The following C6orf163 variants were observed in gnomAD, a reference collection of about 807,000 sequenced individuals.
C6orf163 encodes uncharacterized protein C6orf163.
In C6orf163, 22 loss-of-function variants were observed where a neutral mutation model predicts 28.4. That is an observed-to-expected ratio of 0.78 (90% confidence interval 0.55 to 1.11). The LOEUF (loss-of-function observed/expected upper bound fraction) is 1.11, where lower values mean the gene tolerates loss of function less well. Among genes scored for constraint, C6orf163 ranks in the 50% least tolerant of loss-of-function variants. The pLI, the probability that C6orf163 is intolerant of heterozygous loss-of-function variation, is 0.00. For missense variants in C6orf163, 342 were observed against 389.1 expected (o/e 0.88, Z 1.02); for synonymous variants, 110 against 123.6 (o/e 0.89, Z 0.73).
intron 4 of C6orf163, among the ~76,000 whole-genome samples, chr6:87,363,911 A>C (rs1043267509): frequency 6.6e-6 from 1 of 152,136 alleles, no homozygotes; most frequent in African/African-American, 2.4e-5. Flanking sequence ...GGGTTTTGTG[A>C]TGTGTGATAT....
intron 4 of C6orf163, among the ~76,000 whole-genome samples, chr6:87,362,205 G>A (rs150064262): frequency 4.7e-4 from 72 of 152,256 alleles, no homozygotes; most frequent in Non-Finnish European, 8.2e-4. Flanking sequence ...GGTCAGGCAC[G>A]GTGGCTCACA....
chr6:87,351,775 A>T (rs1582106109), intron 3 of C6orf163, among the ~76,000 whole-genome samples: 1 of 152,136 alleles, frequency 6.6e-6, no homozygotes, highest in East Asian at 1.9e-4. Flanking sequence ...TCCCCAGCAG[A>T]CTCCTGGACC....
chr6:87,349,168 GCAT>G (rs995360050), intron 2 of C6orf163, among the ~76,000 whole-genome samples: 11 of 152,150 alleles, frequency 7.2e-5, no homozygotes, highest in Admixed American at 6.5e-4. Context: ...TAAGAAGCCG[GCAT>G]CATCAGGAGC....
chr6:87,345,020 T>G lies in C6orf163; in HGVS notation c.-80T>G. The stretch of plus-strand genomic sequence containing the variant: ...GAACCTCTTCCAGCTTTCTTAAACT[T>G]TCAGCTTTTCTTGAAACGACTTTTT... On this transcript the variant is annotated 5_prime_UTR_variant, in exon 1 of 5. Coordinates refer to ENST00000388923, the MANE Select transcript of C6orf163 (RefSeq NM_001010868.3). 1 of 1,202,864 alleles carries G rather than the reference T, an allele frequency of 8.3e-7. No individual in the cohort carries two copies. Among genetic ancestry groups the G allele is most frequent in the Non-Finnish European group, 1.1e-6 (1 of 880,632 alleles). 74.5% of individuals were successfully genotyped at this position (1,202,864 alleles called of 1,614,324 possible). A position where few individuals can be genotyped will look rare whatever the true frequency, so the allele number is the denominator to read the frequency against.
intron 4 of C6orf163, among the ~76,000 whole-genome samples, chr6:87,362,288 C>T (rs1777591507): frequency 6.6e-6 from 1 of 152,112 alleles, no homozygotes; most frequent in South Asian, 2.1e-4. Context: ...ACCAGCCTGG[C>T]CAACATAGTG....
intron 3 of C6orf163, 128 bp downstream of exon 3, chr6:87,350,629 C>T (rs1455744447): frequency 4.9e-6 from 3 of 616,290 alleles, no homozygotes; most frequent in South Asian, 2.0e-5. Flanking sequence ...TAGCTGGGAT[C>T]CCCTGGGAGG....
intron 1 of C6orf163, among the ~76,000 whole-genome samples, chr6:87,346,332 T>C (rs1432018820): frequency 6.6e-6 from 1 of 152,160 alleles, no homozygotes; most frequent in Non-Finnish European, 1.5e-5. Context: ...AAAACATCAA[T>C]TCCAAAATTG....
intron 1 of C6orf163, 117 bp downstream of exon 1, chr6:87,345,364 G>A (rs1777307339): frequency 3.1e-6 from 3 of 974,284 alleles, no homozygotes; most frequent in Non-Finnish European, 4.3e-6. Context: ...TCCCTACAGG[G>A]ATATTTGAGG....
intron 3 of C6orf163, 23 bp from the exon 4 acceptor site, chr6:87,356,278 A>T: frequency 6.5e-7 from 1 of 1,546,598 alleles, no homozygotes; most frequent in Non-Finnish European, 8.8e-7. Context: ...TAATAGCTAA[A>T]CCTAGTTTTG....
chr6:87,345,358 TACAGGG>T (rs1174929217), intron 1 of C6orf163, 111 bp downstream of exon 1: 3 of 1,068,140 alleles, frequency 2.8e-6, no homozygotes, highest in Non-Finnish European at 3.8e-6. Context: ...TGCTTGTCCC[TACAGGG>T]ATATTTGAGG....
intron 3 of C6orf163, among the ~76,000 whole-genome samples, chr6:87,351,206 A>G (rs2127931264): frequency 6.6e-6 from 1 of 152,332 alleles, no homozygotes; most frequent in South Asian, 2.1e-4. Flanking sequence ...GGAAAATGTT[A>G]CAGAACTATT....
At chr6:87,350,830 T>C (rs1161863368) in intron 3 of C6orf163, among the ~76,000 whole-genome samples, 3 of 152,222 alleles carry the variant, frequency 2.0e-5, no homozygotes, top group Admixed American at 1.3e-4. Flanking sequence ...TGGTTAGTTG[T>C]TGAGTGTCTG....
chr6:87,360,623 ACTC>A (rs1777567336), intron 4 of C6orf163, among the ~76,000 whole-genome samples: 1 of 151,336 alleles, frequency 6.6e-6, no homozygotes, highest in African/African-American at 2.4e-5. Context: ...CTGGTCTTGA[ACTC>A]CTGACTTCAA....
At chr6:87,345,276 C>G (rs749340672) in intron 1 of C6orf163, 29 bp downstream of exon 1, 10 of 1,500,364 alleles carry the variant, frequency 6.7e-6, no homozygotes, top group African/African-American at 1.4e-5. Flanking sequence ...TTCCTTTGTT[C>G]TAATGCTTCA....
intron 4 of C6orf163, chr6:87,356,750 C>T: frequency 4.7e-6 from 2 of 430,028 alleles, no homozygotes; most frequent in Non-Finnish European, 4.2e-6. Context: ...TTGCTGTTTT[C>T]TAAAGCTCTC....
intron 4 of C6orf163, among the ~76,000 whole-genome samples, chr6:87,363,470 A>G (rs549744782): frequency 4.4e-4 from 67 of 151,838 alleles, no homozygotes; most frequent in Non-Finnish European, 5.4e-4. Flanking sequence ...AGCATTAGGT[A>G]TATCTCCTAA....
intron 2 of C6orf163, among the ~76,000 whole-genome samples, chr6:87,350,119 C>G (rs1777388109): frequency 6.6e-6 from 1 of 152,148 alleles, no homozygotes. Flanking sequence ...AAAGGCAACC[C>G]AGCAGCCTAC....
At chr6:87,349,918 G>A (rs1777385217) in intron 2 of C6orf163, among the ~76,000 whole-genome samples, 1 of 152,192 alleles carries the variant, frequency 6.6e-6, no homozygotes, top group Admixed American at 6.5e-5. Context: ...AATGTTCTGT[G>A]TATTCTTTTC....
At chr6:87,351,568 C>A (rs1777413413) in intron 3 of C6orf163, among the ~76,000 whole-genome samples, 1 of 152,218 alleles carries the variant, frequency 6.6e-6, no homozygotes, top group Non-Finnish European at 1.5e-5. Flanking sequence ...GAGGGGTTGG[C>A]TGTGGTGGCC....
Sources: allele counts gnomAD v4.1 joint callset (sites outside exome capture counted in the v4.1 genomes callset), GRCh38; gene constraint gnomAD v4.1.1; transcripts MANE v1.5; gene names NCBI Gene and HGNC (gene_info 2026-07-23, HGNC 2026-07-21).